The following TMC7 variants were observed in gnomAD, a reference collection of about 807,000 sequenced individuals.
TMC7 encodes transmembrane channel-like protein 7.
Under a neutral mutation model 82.9 loss-of-function variants are expected in TMC7, and 54 were observed. The observed-to-expected ratio is 0.65, with a 90% CI of 0.52 to 0.82. The LOEUF is 0.82. Ranked by LOEUF, TMC7 falls within the 40% of genes least tolerant of loss-of-function variation. The pLI is 0.00. For synonymous variants in TMC7, 350 were observed against 337.9 expected (o/e 1.04, Z -0.39); for missense variants, 820 against 901.2 (o/e 0.91, Z 1.15).
intron 1 of TMC7, among the ~76,000 whole-genome samples, chr16:18,993,549 G>A (rs186866574): frequency 7.9e-5 from 12 of 152,272 alleles, no homozygotes; most frequent in East Asian, 3.9e-4. Flanking sequence ...AAGTTGAAAC[G>A]CTAGCTGCTT....
At chr16:18,984,636 G>A (rs917157758) in intron 1 of TMC7, 14 of 503,100 alleles carry the variant, frequency 2.8e-5, no homozygotes, top group Non-Finnish European at 3.6e-5. Context: ...AATGGGAATA[G>A]AATGGGGCGG....
At chr16:19,012,560 G>A (rs1270127717) in intron 2 of TMC7, among the ~76,000 whole-genome samples, 3 of 151,818 alleles carry the variant, frequency 2.0e-5, no homozygotes, top group Admixed American at 2.0e-4. Flanking sequence ...AGGCCAAGGC[G>A]GGTGGATCAC....
chr16:19,054,023 G>A (rs1306860149), intron 13 of TMC7, among the ~76,000 whole-genome samples: 2 of 151,698 alleles, frequency 1.3e-5, no homozygotes, highest in East Asian at 3.9e-4. Context: ...TCAGTATTCA[G>A]TCATATGAAT....
intron 1 of TMC7, among the ~76,000 whole-genome samples, chr16:18,991,068 G>A (rs1260498045): frequency 1.3e-5 from 2 of 152,178 alleles, no homozygotes; most frequent in Admixed American, 1.3e-4. Flanking sequence ...GTGGTATGGA[G>A]AGATAATGGG....
chr16:19,056,789 A>G, intron 14 of TMC7, 92 bp downstream of exon 14: 5 of 1,399,202 alleles, frequency 3.6e-6, no homozygotes, highest in Non-Finnish European at 4.9e-6. Flanking sequence ...TAGACTTGAC[A>G]AGTTACTGAG....
chr16:19,001,019 A>G (rs555017233), intron 1 of TMC7, among the ~76,000 whole-genome samples: 3 of 152,328 alleles, frequency 2.0e-5, no homozygotes, highest in East Asian at 3.9e-4. Context: ...TCTCAAAAAT[A>G]AAACACCAAA....
At chr16:18,986,989 T>C (rs2038862300) in intron 1 of TMC7, among the ~76,000 whole-genome samples, 1 of 151,930 alleles carries the variant, frequency 6.6e-6, no homozygotes, top group South Asian at 2.1e-4. Flanking sequence ...GTATTTTTAG[T>C]AGAGACAGGG....
chr16:19,061,651 T>A (rs1962016740), intron 15 of TMC7, 127 bp from the exon 16 acceptor site: 6 of 714,048 alleles, frequency 8.4e-6, no homozygotes, highest in Middle Eastern at 6.5e-4. Context: ...GCAGACACAA[T>A]GACAGACCAG....
At chr16:19,042,502 CT>C (rs35911621) in intron 9 of TMC7, among the ~76,000 whole-genome samples, 61,375 of 138,438 alleles carry the variant, frequency 0.44, 14,892 homozygotes, top group East Asian at 0.69. Flanking sequence ...ATTATTCCTT[CT>C]TTTTTTTTTT....
At chr16:18,997,885 A>G (rs1316182056) in intron 1 of TMC7, among the ~76,000 whole-genome samples, 4 of 150,568 alleles carry the variant, frequency 2.7e-5, no homozygotes, top group Non-Finnish European at 5.9e-5. Flanking sequence ...ACCCACCACC[A>G]TGCCCGGCTA....
intron 1 of TMC7, among the ~76,000 whole-genome samples, chr16:19,006,160 C>T (rs2039236594): frequency 6.6e-6 from 1 of 151,990 alleles, no homozygotes; most frequent in African/African-American, 2.4e-5. Flanking sequence ...GGCTGTGTAG[C>T]AAGTCCTGAC....
intron 9 of TMC7, among the ~76,000 whole-genome samples, chr16:19,040,980 C>T (rs924762039): frequency 3.3e-5 from 5 of 149,844 alleles, no homozygotes; most frequent in African/African-American, 1.2e-4. Flanking sequence ...AGTCTCAAAT[C>T]CCTGATCTCA....
intron 10 of TMC7, 69 bp from the exon 11 acceptor site, chr16:19,045,272 G>A: frequency 1.6e-6 from 2 of 1,281,808 alleles, no homozygotes; most frequent in Non-Finnish European, 2.3e-6. Flanking sequence ...ATTAGAAGGT[G>A]TCTTGGGAGC....
Position 18,998,737 on chromosome 16 carries a change from G to T in TMC7, c.68-10435G>T, listed in dbSNP as rs192480492. 1.9e-3 allele frequency among the ~76,000 whole-genome samples: 254 copies of T among 135,024 alleles called. 2 individuals carry two copies. Among genetic ancestry groups the T allele is most frequent in the Admixed American group, 3.8e-3 (48 of 12,558 alleles). 88.6% of individuals were successfully genotyped at this position (135,024 alleles called of 152,430 possible). On this transcript the variant is annotated intron_variant, in intron 1 of 15. Coordinates refer to ENST00000304381, the MANE Select transcript of TMC7 (RefSeq NM_024847.4). ...CCACTGCACTCCAGCCTGGGTGACAGAGTGAGACTCTGTCTCAAAAAAAAA... is the reference window on the plus strand; with the variant it reads ...CCACTGCACTCCAGCCTGGGTGACATAGTGAGACTCTGTCTCAAAAAAAAA...
rs143071082 is a variant in TMC7 at position 19,022,267 on chromosome 16, G to A, written c.628+471G>A. Among the ~76,000 whole-genome samples, 527 of 152,306 alleles carry A rather than the reference G, an allele frequency of 3.5e-3. 4 individuals carry two copies. Among genetic ancestry groups the A allele is most frequent in the South Asian group, 9.5e-3 (46 of 4,820 alleles). Reference sequence around the variant, plus strand: ...ATGTTACTGTATTGGACACATTGGGGTTTGGACTGAAAATGGCAAATCACA... The same window carrying A: ...ATGTTACTGTATTGGACACATTGGGATTTGGACTGAAAATGGCAAATCACA... On this transcript the variant is annotated intron_variant, in intron 4 of 15. Transcript: ENST00000304381.
At chr16:19,045,073 CGGTTGAAGCCATG>C (rs1961206355) in intron 10 of TMC7, 72 bp downstream of exon 10, 3 of 1,218,788 alleles carry the variant, frequency 2.5e-6, no homozygotes, top group Non-Finnish European at 3.6e-6. Context: ...AAGAGAACAG[CGGTTGAAGCCATG>C]GGTTTGAACT....
At chr16:19,042,502 CTT>C (rs35911621) in intron 9 of TMC7, among the ~76,000 whole-genome samples, 142 of 138,572 alleles carry the variant, frequency 1.0e-3, no homozygotes, top group Non-Finnish European at 1.6e-3. Context: ...ATTATTCCTT[CTT>C]TTTTTTTTTT....
intron 13 of TMC7, among the ~76,000 whole-genome samples, chr16:19,055,386 G>A (rs548380075): frequency 6.6e-6 from 1 of 151,768 alleles, no homozygotes; most frequent in African/African-American, 2.4e-5. Context: ...GAGATGGCAT[G>A]TCGCTCTGTC....
intron 2 of TMC7, 100 bp downstream of exon 2, chr16:19,009,515 A>G: frequency 6.9e-7 from 1 of 1,443,954 alleles, no homozygotes; most frequent in Non-Finnish European, 9.2e-7. Flanking sequence ...ATATAATTAA[A>G]ATTTTATTCC....
Sources: gnomAD v4.1 joint callset for allele counts (sites outside exome capture counted in the v4.1 genomes callset) on GRCh38, gnomAD v4.1.1 for gene constraint, MANE v1.5 for transcripts, NCBI Gene and HGNC (gene_info 2026-07-23, HGNC 2026-07-21) for gene names.